Variants in ELP3 observed in about 807,000 individuals in gnomAD.
ELP3 encodes elongator complex protein 3.
A neutral mutation model predicts 74.9 loss-of-function variants in ELP3; 56 were observed. That is an observed-to-expected ratio of 0.75 (90% CI 0.60 to 0.93). The LOEUF (loss-of-function observed/expected upper bound fraction) is 0.93, where lower values mean the gene tolerates loss of function less well. ELP3 is among the 40% of genes least tolerant of loss of function. The pLI is 0.00. For missense variants in ELP3, 573 were observed against 686.5 expected, an observed-to-expected ratio of 0.83 and a Z score of 1.85; for synonymous variants, 222 against 239.8, an observed-to-expected ratio of 0.93 and a Z score of 0.68.
intron 7 of ELP3, 97 bp downstream of exon 7, chr8:28,113,270 TCTTA>T: frequency 1.2e-6 from 1 of 811,906 alleles, no homozygotes; most frequent in Non-Finnish European, 1.8e-6. Flanking sequence ...GCATCCACAT[TCTTA>T]CTTCTCATAA....
chr8:28,143,038 T>C (rs1320681820), intron 10 of ELP3, among the ~76,000 whole-genome samples: 1 of 152,236 alleles, frequency 6.6e-6, no homozygotes, highest in Non-Finnish European at 1.5e-5. Context: ...TATTATATTT[T>C]GCTACTTCCT....
At chr8:28,107,613 A>G (rs1214346433) in intron 4 of ELP3, among the ~76,000 whole-genome samples, 1 of 152,242 alleles carries the variant, frequency 6.6e-6, no homozygotes, top group Non-Finnish European at 1.5e-5. Flanking sequence ...CTGAGTATTG[A>G]TTCAAACTTA....
rs144556164 is a variant in ELP3 at position 28,104,841 on chromosome 8, T to C, written c.259-1872T>C. Among the ~76,000 whole-genome samples the C allele has an allele frequency of 6.8e-4, 103 of 152,326 alleles. 1 individual carries two copies. The highest frequency in any genetic ancestry group is 1.1e-3 in the Non-Finnish European group (76 of 68,018). ...TTTTTCCACTTTGTATTAAGAAGTG[T>C]TGTATGGAGAAATACTGAGAAACTA... On this transcript the variant is annotated intron_variant, in intron 3 of 14. Transcript: ENST00000256398.
chr8:28,187,271 G>A (rs1013485701), intron 14 of ELP3, among the ~76,000 whole-genome samples: 5 of 152,116 alleles, frequency 3.3e-5, no homozygotes, highest in Non-Finnish European at 5.9e-5. Flanking sequence ...TATTGTCATC[G>A]CTTCCTACCT....
intron 3 of ELP3, among the ~76,000 whole-genome samples, chr8:28,105,265 C>G (rs1384249035): frequency 6.6e-6 from 1 of 152,122 alleles, no homozygotes; most frequent in African/African-American, 2.4e-5. Flanking sequence ...TGGCACATGC[C>G]TGTAATCCCA....
At chr8:28,153,858 C>T (rs1813729507) in intron 10 of ELP3, among the ~76,000 whole-genome samples, 1 of 152,130 alleles carries the variant, frequency 6.6e-6, no homozygotes, top group African/African-American at 2.4e-5. Context: ...TAATTAACTT[C>T]TCAGTGACCA....
At chr8:28,155,628 C>G (rs1813794692) in intron 10 of ELP3, among the ~76,000 whole-genome samples, 1 of 152,148 alleles carries the variant, frequency 6.6e-6, no homozygotes, top group Non-Finnish European at 1.5e-5. Context: ...TGTCTCTTTA[C>G]TCAAAAAATC....
At chr8:28,134,582 G>A (rs1044905734) in intron 9 of ELP3, among the ~76,000 whole-genome samples, 1 of 152,052 alleles carries the variant, frequency 6.6e-6, no homozygotes, top group Non-Finnish European at 1.5e-5. Context: ...AGCTCAGTAG[G>A]AAAATGGGCA....
At chr8:28,137,629 G>T in intron 9 of ELP3, 69 bp from the exon 10 acceptor site, 4 of 1,506,920 alleles carry the variant, frequency 2.7e-6, no homozygotes, top group Non-Finnish European at 2.7e-6. Context: ...GCTGTCAGGG[G>T]TTGAGATTTC....
chr8:28,130,162 C>T (rs932655077), intron 8 of ELP3, among the ~76,000 whole-genome samples: 2 of 152,152 alleles, frequency 1.3e-5, no homozygotes, highest in African/African-American at 4.8e-5. Context: ...ATTATGTTCC[C>T]TCTAGAAGTA....
chr8:28,190,907 G>C lies in ELP3; in HGVS notation c.*1182G>C, dbSNP rs1362073684. 6.6e-6 allele frequency: 1 copy of C among 152,182 alleles called. No homozygotes were observed. The highest frequency in any genetic ancestry group is 2.4e-5 in the African/African-American group (1 of 41,436). 9.4% of individuals were successfully genotyped at this position (152,182 alleles called of 1,614,324 possible). On this transcript the variant is annotated 3_prime_UTR_variant, in exon 15 of 15. Coordinates refer to ENST00000256398, the MANE Select transcript of ELP3 (RefSeq NM_018091.6). ...GGTTGTTATAAATGGAGAAAGGTAAGAGTTCAAGTTCAACCCGTGTGTGAA... is the reference window on the plus strand; with the variant it reads ...GGTTGTTATAAATGGAGAAAGGTAACAGTTCAAGTTCAACCCGTGTGTGAA...
intron 13 of ELP3, among the ~76,000 whole-genome samples, chr8:28,161,559 G>A (rs1410786209): frequency 6.7e-6 from 1 of 149,390 alleles, no homozygotes. Context: ...AATGCAGTGA[G>A]CCACTGCACT....
chr8:28,141,305 C>T (rs1173905982), intron 10 of ELP3, among the ~76,000 whole-genome samples: 3 of 152,164 alleles, frequency 2.0e-5, no homozygotes, highest in South Asian at 2.1e-4. Context: ...CAGAACTTCA[C>T]GATCTGAATC....
intron 7 of ELP3, chr8:28,113,805 A>G (rs967147183): frequency 6.6e-6 from 1 of 152,210 alleles, no homozygotes; most frequent in South Asian, 2.1e-4. Flanking sequence ...TTATAATGGC[A>G]TTAATCTTAC....
intron 10 of ELP3, among the ~76,000 whole-genome samples, chr8:28,151,472 T>G (rs1026156400): frequency 2.0e-5 from 3 of 152,212 alleles, no homozygotes; most frequent in Non-Finnish European, 2.9e-5. Flanking sequence ...AGTTGTATCT[T>G]TTGCCTTTTG....
intron 10 of ELP3, among the ~76,000 whole-genome samples, chr8:28,151,682 G>A (rs1036739346): frequency 7.2e-5 from 11 of 152,108 alleles, no homozygotes; most frequent in African/African-American, 1.9e-4. Context: ...TTTTTCCTAC[G>A]CCCTTAGATG....
intron 2 of ELP3, among the ~76,000 whole-genome samples, chr8:28,098,091 C>T (rs533728218): frequency 8.5e-5 from 13 of 152,288 alleles, no homozygotes; most frequent in Admixed American, 3.9e-4. Flanking sequence ...TAATCCAACC[C>T]TCCCCTGCTG....
chr8:28,162,223 A>T, intron 14 of ELP3, 145 bp downstream of exon 14: 1 of 825,728 alleles, frequency 1.2e-6, no homozygotes, highest in Non-Finnish European at 1.9e-6. Flanking sequence ...ACTTGTGCTC[A>T]AACAAAATTC....
intron 11 of ELP3, among the ~76,000 whole-genome samples, chr8:28,158,298 G>A (rs1813920754): frequency 6.6e-6 from 1 of 151,812 alleles, no homozygotes; most frequent in Non-Finnish European, 1.5e-5. Flanking sequence ...ATTATATATT[G>A]ATCTTTTTCG....
Sources: allele counts gnomAD v4.1 joint callset (sites outside exome capture counted in the v4.1 genomes callset), GRCh38; gene constraint gnomAD v4.1.1; transcripts MANE v1.5; gene names NCBI Gene and HGNC (gene_info 2026-07-23, HGNC 2026-07-21).